The following DEPDC1B variants were observed in gnomAD, a reference collection of about 807,000 sequenced individuals.
DEPDC1B encodes DEP domain containing 1B, also known as DEP domain-containing protein 1B.
Under a neutral mutation model 66.5 loss-of-function variants are expected in DEPDC1B, and 51 were observed. That is an observed-to-expected ratio of 0.77 (90% confidence interval 0.61 to 0.97). DEPDC1B has a LOEUF of 0.97. Ranked by LOEUF, DEPDC1B falls within the 50% of genes least tolerant of loss-of-function variation. The pLI, the probability that DEPDC1B is intolerant of heterozygous loss-of-function variation, is 0.00. For synonymous variants in DEPDC1B, 226 were observed against 223.6 expected (o/e 1.01, Z -0.10); for missense variants, 552 against 637.1 (o/e 0.87, Z 1.44).
At chr5:60,699,293 C>A (rs1477512649) in intron 1 of DEPDC1B, among the ~76,000 whole-genome samples, 3 of 151,972 alleles carry the variant, frequency 2.0e-5, no homozygotes, top group Non-Finnish European at 4.4e-5. Context: ...GTCGGCAGAC[C>A]AAGGAGCAAG....
intron 2 of DEPDC1B, among the ~76,000 whole-genome samples, chr5:60,668,413 T>C (rs1179718207): frequency 6.6e-6 from 1 of 151,346 alleles, no homozygotes; most frequent in Non-Finnish European, 1.5e-5. Flanking sequence ...TAGCTTGGAC[T>C]ACAGGTGTGT....
intron 2 of DEPDC1B, among the ~76,000 whole-genome samples, chr5:60,686,197 G>A (rs952708514): frequency 6.6e-6 from 1 of 152,124 alleles, no homozygotes; most frequent in African/African-American, 2.4e-5. Flanking sequence ...TTTTTCAGCT[G>A]GAGTAAAGGA....
At chr5:60,597,963 C>T in intron 10 of DEPDC1B, 49 bp from the exon 11 acceptor site, 1 of 1,484,124 alleles carries the variant, frequency 6.7e-7, no homozygotes, top group Non-Finnish European at 8.9e-7. Flanking sequence ...ACATAAAAGC[C>T]AATAAAATTT....
At chr5:60,607,559 C>T (rs1388422971) in intron 7 of DEPDC1B, among the ~76,000 whole-genome samples, 1 of 152,062 alleles carries the variant, frequency 6.6e-6, no homozygotes, top group Non-Finnish European at 1.5e-5. Context: ...CCTGTGTGAT[C>T]TCATGGAGCT....
chr5:60,623,398 T>C (rs1200059618), intron 7 of DEPDC1B, among the ~76,000 whole-genome samples: 1 of 152,158 alleles, frequency 6.6e-6, no homozygotes, highest in Admixed American at 6.5e-5. Context: ...TACAGTAAGA[T>C]ACCAATACCA....
chr5:60,667,729 A>G (rs1376477488), intron 2 of DEPDC1B, among the ~76,000 whole-genome samples: 3 of 139,040 alleles, frequency 2.2e-5, no homozygotes, highest in East Asian at 2.1e-4. Flanking sequence ...TTTTACATAT[A>G]TATAAAAAAT....
chr5:60,597,197 C>G lies in DEPDC1B; in HGVS notation c.*556G>C, dbSNP rs1166975562. The G allele has an allele frequency of 6.6e-6, 1 of 152,478 alleles. No individual in the cohort carries two copies. The highest frequency in any genetic ancestry group is 2.4e-5 in the African/African-American group (1 of 41,400). 9.4% of individuals were successfully genotyped at this position (152,478 alleles called of 1,614,324 possible). On this transcript the variant is annotated 3_prime_UTR_variant, in exon 11 of 11. Transcript: ENST00000265036. The stretch of plus-strand genomic sequence containing the variant: ...GCTTTAGTAAAATCTGTCATAACAT[C>G]CAATAAATCTGCAATAAAAGACATA...
chr5:60,600,166 T>G (rs1752176077), intron 9 of DEPDC1B, among the ~76,000 whole-genome samples: 1 of 152,266 alleles, frequency 6.6e-6, no homozygotes, highest in African/African-American at 2.4e-5. Flanking sequence ...TGCATTTAGC[T>G]AAGCTTTTAG....
chr5:60,644,076 TAAA>T (rs1753254117), intron 5 of DEPDC1B, among the ~76,000 whole-genome samples: 1 of 152,154 alleles, frequency 6.6e-6, no homozygotes, highest in Non-Finnish European at 1.5e-5. Context: ...GGGTTTGAAC[TAAA>T]GGAAGAACAA....
intron 2 of DEPDC1B, among the ~76,000 whole-genome samples, chr5:60,651,727 A>G (rs1753460678): frequency 6.6e-6 from 1 of 152,166 alleles, no homozygotes; most frequent in Non-Finnish European, 1.5e-5. Context: ...AAGAACAGTA[A>G]GGAAGTTGTT....
rs762290722 is a variant in DEPDC1B, at chr5:60,647,348, G to T, written c.450+50C>A. On this transcript the variant is annotated intron_variant, in intron 3 of 10. Coordinates refer to ENST00000265036, the MANE Select transcript of DEPDC1B (RefSeq NM_018369.3). ...GAAAGACCAAGCCTAGGAGTTCATG[G>T]ATGATTCTCCCTGCTGCCAGCCCTT... is the stretch of plus-strand genomic sequence containing the variant. 3 of 1,540,618 alleles carry T rather than the reference G, an allele frequency of 1.9e-6. No homozygotes were observed. The South Asian group carries it at 3.8e-5, about 20-fold the overall frequency.
chr5:60,656,712 G>C (rs370477045), intron 2 of DEPDC1B, among the ~76,000 whole-genome samples: 2 of 152,204 alleles, frequency 1.3e-5, no homozygotes, highest in Admixed American at 6.5e-5. Flanking sequence ...GCAAACAAGA[G>C]CAGAGAAAAT....
chr5:60,670,860 C>A (rs545076696), intron 2 of DEPDC1B, among the ~76,000 whole-genome samples: 18 of 152,200 alleles, frequency 1.2e-4, no homozygotes, highest in African/African-American at 4.1e-4. Flanking sequence ...CTCCTTGTGG[C>A]CAGGGAGCAG....
intron 2 of DEPDC1B, among the ~76,000 whole-genome samples, chr5:60,678,139 T>C (rs1754212601): frequency 6.6e-6 from 1 of 152,202 alleles, no homozygotes; most frequent in Non-Finnish European, 1.5e-5. Flanking sequence ...AATTTTTTTT[T>C]TTGGTGTATA....
At chr5:60,610,608 A>G (rs1337744185) in intron 7 of DEPDC1B, among the ~76,000 whole-genome samples, 1 of 152,198 alleles carries the variant, frequency 6.6e-6, no homozygotes, top group Non-Finnish European at 1.5e-5. Context: ...CTAAACCCTA[A>G]TTACCTAAAC....
intron 2 of DEPDC1B, among the ~76,000 whole-genome samples, chr5:60,668,599 A>G (rs1753957817): frequency 6.6e-6 from 1 of 151,968 alleles, no homozygotes; most frequent in Non-Finnish European, 1.5e-5. Flanking sequence ...TTTAAACCAC[A>G]ATGAATCTAT....
intron 1 of DEPDC1B, among the ~76,000 whole-genome samples, chr5:60,699,603 A>G (rs6449484): frequency 0.74 from 112,530 of 151,818 alleles, 42,749 homozygotes; most frequent in African/African-American, 0.92. Context: ...GGCACCGTTT[A>G]TTCGAATACC....
rs1002529008 is a variant in DEPDC1B at position 60,647,509 on chromosome 5, T to C, written c.339A>G (p.Lys113=). ...GGTTTGGGGGCTTCTTTGGATATGG[T>C]TTCAGGGGTGAAGAAGGAGGAAATC... is the stretch of plus-strand genomic sequence containing the variant. ...LYRFPPSSPL[K]PYPKKPPNQK... is the part of the protein sequence containing the mutation. Residue 113 remains lysine, a synonymous_variant, in exon 3 of 11, where the codon AAA becomes AAG. Coordinates refer to ENST00000265036, the MANE Select transcript of DEPDC1B (RefSeq NM_018369.3). 2 of 1,612,246 alleles carry C rather than the reference T, an allele frequency of 1.2e-6. No homozygotes were observed. Among genetic ancestry groups the C allele is most frequent in the Admixed American group, 1.7e-5 (1 of 59,448 alleles).
intron 7 of DEPDC1B, among the ~76,000 whole-genome samples, chr5:60,606,863 C>T: frequency 6.6e-6 from 1 of 151,924 alleles, no homozygotes; most frequent in South Asian, 2.1e-4. Context: ...TCCAAGCCCT[C>T]TAATGAGGTA....
Sources: gnomAD v4.1 joint callset for allele counts (sites outside exome capture counted in the v4.1 genomes callset) on GRCh38, gnomAD v4.1.1 for gene constraint, MANE v1.5 for transcripts, NCBI Gene and HGNC (gene_info 2026-07-23, HGNC 2026-07-21) for gene names.